ASCC3: variants seen among roughly 807,000 people sequenced by gnomAD.
The protein encoded by ASCC3 is activating signal cointegrator 1 complex subunit 3, also known as ASC-1 complex subunit P200.
ASCC3 carries 158 observed loss-of-function variants against 256.3 expected under a neutral mutation model. The observed-to-expected ratio is 0.62, with a 90% CI of 0.54 to 0.70. The LOEUF (loss-of-function observed/expected upper bound fraction) is 0.70. Ranked by LOEUF, ASCC3 falls within the 30% of genes least tolerant of loss-of-function variation. The pLI is 0.00. For missense variants in ASCC3, 2,259 were observed against 2,626.0 expected, an observed-to-expected ratio of 0.86 and a Z score of 3.05; for synonymous variants, 948 against 883.4, an observed-to-expected ratio of 1.07 and a Z score of -1.30.
intron 11 of ASCC3, among the ~76,000 whole-genome samples, chr6:100,723,888 A>ATATATATATATATG (rs1554220118): frequency 8.9e-6 from 1 of 112,918 alleles, no homozygotes; most frequent in African/African-American, 3.3e-5. Flanking sequence ...ATATATATAT[A>ATATATATATATATG]TATATATATT....
At chr6:100,767,098 T>G (rs1298024283) in intron 9 of ASCC3, 47 bp downstream of exon 9, 1 of 1,576,598 alleles carries the variant, frequency 6.3e-7, no homozygotes, top group Admixed American at 1.7e-5. Context: ...GCAAATTTAT[T>G]TTATTCCTTA....
rs1562160887 is a variant in ASCC3, at chr6:100,608,082, A to ATATATCGATATACACATATATATGTG, written c.4786-995_4786-994insCACATATATATGTGTATATCGATATA. ...TACACATATATATACATATATATGT[A>ATATATCGATATACACATATATATGTG]TATATATCTATATACACATATATAT... On this transcript the variant is annotated intron_variant, in intron 30 of 41. Transcript: ENST00000369162. Among the ~76,000 whole-genome samples, 6 of 71,424 alleles carry ATATATCGATATACACATATATATGTG rather than the reference A, an allele frequency of 8.4e-5. No individual in the cohort carries two copies. The East Asian group carries it at 1.1e-3, about 13-fold the overall frequency. 46.9% of individuals were successfully genotyped at this position (71,424 alleles called of 152,430 possible). A position where few individuals can be genotyped will look rare whatever the true frequency, so the allele number is the denominator to read the frequency against.
At chr6:100,588,093 T>G (rs577482056) in intron 36 of ASCC3, among the ~76,000 whole-genome samples, 6 of 152,310 alleles carry the variant, frequency 3.9e-5, no homozygotes, top group Non-Finnish European at 7.4e-5. Context: ...GGGCCCATAC[T>G]CTGGTGCTAG....
chr6:100,537,497 T>G (rs1239093423), intron 37 of ASCC3, among the ~76,000 whole-genome samples: 1 of 152,056 alleles, frequency 6.6e-6, no homozygotes, highest in Non-Finnish European at 1.5e-5. Context: ...CTGACAAAAT[T>G]TGAATAGGTC....
chr6:100,713,846 T>G (rs776446596), intron 13 of ASCC3, among the ~76,000 whole-genome samples: 1 of 152,196 alleles, frequency 6.6e-6, no homozygotes, highest in Non-Finnish European at 1.5e-5. Flanking sequence ...TTATATATTT[T>G]CTAATCTAAA....
At chr6:100,676,746 G>A (rs1471987511) in intron 14 of ASCC3, among the ~76,000 whole-genome samples, 1 of 125,040 alleles carries the variant, frequency 8.0e-6, no homozygotes, top group Non-Finnish European at 1.7e-5. Context: ...GCGCGCGCGT[G>A]CGCGCACACA....
intron 14 of ASCC3, among the ~76,000 whole-genome samples, chr6:100,670,462 C>A (rs1336400709): frequency 1.3e-5 from 2 of 151,784 alleles, no homozygotes; most frequent in African/African-American, 2.4e-5. Context: ...ACTTATAATA[C>A]CTAATACAAT....
At position 100,715,495 on chromosome 6, in the gene ASCC3, T is replaced by G; in HGVS notation, c.2118A>C (p.Glu706Asp). ...QLNNMDEVCY[E>D]NVLKQVKAGH... ...CAGCCTTTACTTGCTTCAAAACATTTTCATAACATACTTCATCCATGTTAT... is the reference window on the plus strand; with the variant it reads ...CAGCCTTTACTTGCTTCAAAACATTGTCATAACATACTTCATCCATGTTAT... The change falls in exon 13 of 42, where the codon GAA becomes GAC. Residue 706 changes from glutamate to aspartate, a missense_variant. This residue lies in a region of ASCC3 where 1,839 missense variants were observed against 2,206.7 expected (regional missense o/e 0.83). Transcript: ENST00000369162. The G allele has an allele frequency of 1.2e-6, 2 of 1,611,462 alleles. No individual in the cohort carries two copies. The highest frequency in any genetic ancestry group is 1.7e-6 in the Non-Finnish European group (2 of 1,178,284).
chr6:100,801,976 A>C (rs1407949101), intron 5 of ASCC3, among the ~76,000 whole-genome samples: 2 of 149,132 alleles, frequency 1.3e-5, no homozygotes, highest in African/African-American at 5.0e-5. Context: ...ATGCTATGCT[A>C]AAGTCATTAA....
Position 100,508,897 on chromosome 6 carries a change from A to T in ASCC3, c.*489T>A, listed in dbSNP as rs1773622147. The T allele has an allele frequency of 6.1e-6, 1 of 163,440 alleles. No individual in the cohort carries two copies. Among genetic ancestry groups the T allele is most frequent in the Non-Finnish European group, 1.3e-5 (1 of 74,726 alleles). The allele number at this position is 163,440 out of a possible 1,614,324, so 10.1% of individuals were successfully genotyped here. A position where few individuals can be genotyped will look rare whatever the true frequency, so the allele number is the denominator to read the frequency against. ...AAGAAATTCTTGAAGCTACTTCTAC[A>T]TGTGATCATATCAAAGTATAAATTT... On this transcript the variant is annotated 3_prime_UTR_variant, in exon 42 of 42. Transcript: ENST00000369162.
At chr6:100,674,348 A>C (rs1380096710) in intron 14 of ASCC3, among the ~76,000 whole-genome samples, 1 of 151,796 alleles carries the variant, frequency 6.6e-6, no homozygotes, top group Non-Finnish European at 1.5e-5. Flanking sequence ...TTCTTCCTGG[A>C]AACTTCATGT....
chr6:100,590,117 C>T, intron 34 of ASCC3, 58 bp from the exon 35 acceptor site: 1 of 1,174,942 alleles, frequency 8.5e-7, no homozygotes, highest in Admixed American at 1.7e-5. Context: ...CTAAAACTAT[C>T]ACCTCAGTTT....
intron 8 of ASCC3, among the ~76,000 whole-genome samples, chr6:100,798,369 CTATTT>C (rs1346028955): frequency 1.3e-5 from 2 of 151,694 alleles, no homozygotes; most frequent in Non-Finnish European, 2.9e-5. Context: ...TCAATGTATT[CTATTT>C]TATTATAGGT....
At chr6:100,753,785 C>A (rs193075053) in intron 10 of ASCC3, among the ~76,000 whole-genome samples, 1 of 152,140 alleles carries the variant, frequency 6.6e-6, no homozygotes, top group East Asian at 1.9e-4. Flanking sequence ...ACAGTATATG[C>A]TAAGAGACAA....
intron 25 of ASCC3, among the ~76,000 whole-genome samples, chr6:100,634,372 T>C (rs370744755): frequency 2.5e-4 from 38 of 152,308 alleles, no homozygotes; most frequent in Middle Eastern, 6.8e-3. Flanking sequence ...TAATTTTGCA[T>C]CCTTTAACCA....
chr6:100,725,811 A>C, intron 10 of ASCC3, 108 bp from the exon 11 acceptor site: 1 of 1,120,048 alleles, frequency 8.9e-7, no homozygotes, highest in Non-Finnish European at 1.3e-6. Flanking sequence ...AAATCAAATA[A>C]AAAGTGTTTA....
intron 11 of ASCC3, among the ~76,000 whole-genome samples, chr6:100,721,684 C>A (rs1355854313): frequency 2.0e-5 from 3 of 151,642 alleles, no homozygotes; most frequent in Non-Finnish European, 4.4e-5. Context: ...TGTGCATATA[C>A]ACATATTTTT....
Position 100,819,657 on chromosome 6 carries a change from G to C in ASCC3, c.802-13777C>G, listed in dbSNP as rs149750393. Among the ~76,000 whole-genome samples, 613 of 152,232 alleles carry C rather than the reference G, an allele frequency of 4.0e-3. 3 individuals carry two copies. Among genetic ancestry groups the C allele is most frequent in the African/African-American group, 0.014 (579 of 41,554 alleles). On this transcript the variant is annotated intron_variant, in intron 4 of 41. Transcript: ENST00000369162. Reference sequence around the variant, plus strand: ...TCAAGGGCAAGAAGCATCCAGGAAGGGGGTGGGGGGAGATGAATGCCAGAA... The same window carrying C: ...TCAAGGGCAAGAAGCATCCAGGAAGCGGGTGGGGGGAGATGAATGCCAGAA...
At chr6:100,801,728 A>C (rs1769926396) in intron 5 of ASCC3, among the ~76,000 whole-genome samples, 1 of 151,868 alleles carries the variant, frequency 6.6e-6, no homozygotes, top group Admixed American at 6.6e-5. Flanking sequence ...TTTCCAATTA[A>C]GTCTTACATA....
Sources: gnomAD v4.1 joint callset for allele counts (sites outside exome capture counted in the v4.1 genomes callset) on GRCh38, gnomAD v4.1.1 for gene constraint, gnomAD v4.1.1 regional missense constraint, MANE v1.5 for transcripts, NCBI Gene and HGNC (gene_info 2026-07-23, HGNC 2026-07-21) for gene names.